The following IGFBPL1 variants were observed in gnomAD, a reference collection of about 807,000 sequenced individuals.
IGFBPL1 encodes insulin like growth factor binding protein like 1, also known as insulin-like growth factor-binding protein-like 1.
In IGFBPL1, 20 loss-of-function variants were observed where a neutral mutation model predicts 23.9. The ratio of observed to expected loss-of-function variants is 0.84; its 90% CI spans 0.59 to 1.22. The LOEUF (loss-of-function observed/expected upper bound fraction) is 1.22. Ranked by LOEUF, IGFBPL1 falls within the 50% of genes most tolerant of loss-of-function variation. The pLI is 0.00. For missense variants in IGFBPL1, 436 were observed against 379.3 expected (o/e 1.15, Z -1.24); for synonymous variants, 184 against 171.8 (o/e 1.07, Z -0.56).
At chr9:38,418,476 T>C (rs1271986305) in intron 1 of IGFBPL1, among the ~76,000 whole-genome samples, 1 of 152,178 alleles carries the variant, frequency 6.6e-6, no homozygotes, top group Admixed American at 6.5e-5. Flanking sequence ...GCATCTCCTC[T>C]AAAGCTCCCT....
At position 38,408,666 on chromosome 9, in the gene IGFBPL1, G is replaced by C. The variant is rs1821467016; in HGVS notation, c.*561C>G. On this transcript the variant is annotated 3_prime_UTR_variant, in exon 5 of 5. Coordinates refer to ENST00000377694, the MANE Select transcript of IGFBPL1 (RefSeq NM_001007563.3). ...AAAGAACACTAAGACCACACTTCCTGTTATTTTCCCAAAAGGCCATCTTAA... is the reference window on the plus strand; with the variant it reads ...AAAGAACACTAAGACCACACTTCCTCTTATTTTCCCAAAAGGCCATCTTAA... 6.6e-6 allele frequency among the ~76,000 whole-genome samples: 1 copy of C among 152,146 alleles called. No individual in the cohort carries two copies. Among genetic ancestry groups the C allele is most frequent in the Admixed American group, 6.5e-5 (1 of 15,282 alleles).
intron 4 of IGFBPL1, among the ~76,000 whole-genome samples, chr9:38,409,530 T>G (rs1821481220): frequency 6.6e-6 from 1 of 152,236 alleles, no homozygotes; most frequent in African/African-American, 2.4e-5. Flanking sequence ...CAATACTGTG[T>G]GTCACAGAAG....
intron 1 of IGFBPL1, among the ~76,000 whole-genome samples, chr9:38,415,656 T>C (rs1023091269): frequency 3.9e-5 from 6 of 152,182 alleles, no homozygotes; most frequent in Non-Finnish European, 5.9e-5. Flanking sequence ...CAGCCTCCAT[T>C]TGCATGCCTT....
chr9:38,419,310 G>A (rs1821641649), intron 1 of IGFBPL1, among the ~76,000 whole-genome samples: 1 of 152,162 alleles, frequency 6.6e-6, no homozygotes, highest in South Asian at 2.1e-4. Context: ...GTCACGTTAT[G>A]ATGTGGAACA....
intron 4 of IGFBPL1, 85 bp downstream of exon 4, chr9:38,411,306 C>A: frequency 8.2e-7 from 1 of 1,219,010 alleles, no homozygotes. Flanking sequence ...ACGTATTTTT[C>A]TTCTTTTTTT....
chr9:38,414,281 G>T (rs561605063), intron 1 of IGFBPL1, 78 bp from the exon 2 acceptor site: 41 of 793,090 alleles, frequency 5.2e-5, no homozygotes, highest in Non-Finnish European at 7.9e-5. Context: ...CCCCTGCCGC[G>T]GAGAGCCCGC....
chr9:38,421,788 C>T (rs1460269229), intron 1 of IGFBPL1, among the ~76,000 whole-genome samples: 1 of 152,206 alleles, frequency 6.6e-6, no homozygotes, highest in Non-Finnish European at 1.5e-5. Context: ...GACACAAGGG[C>T]AGAGGCCACA....
chr9:38,417,437 A>G (rs1436093649), intron 1 of IGFBPL1, among the ~76,000 whole-genome samples: 8 of 152,246 alleles, frequency 5.3e-5, no homozygotes, highest in Admixed American at 4.6e-4. Context: ...CAGGGACTCA[A>G]ACCCAGGCAC....
At chr9:38,414,976 T>G (rs1431229158) in intron 1 of IGFBPL1, among the ~76,000 whole-genome samples, 1 of 152,146 alleles carries the variant, frequency 6.6e-6, no homozygotes, top group East Asian at 1.9e-4. Context: ...GCTGGAATAA[T>G]CAAGGCCAGG....
At chr9:38,409,808 A>G (rs1359071185) in intron 4 of IGFBPL1, among the ~76,000 whole-genome samples, 1 of 152,078 alleles carries the variant, frequency 6.6e-6, no homozygotes, top group African/African-American at 2.4e-5. Context: ...CCCCATTTCT[A>G]GGGCCTCTAA....
intron 1 of IGFBPL1, among the ~76,000 whole-genome samples, chr9:38,421,785 G>T (rs939813458): frequency 1.3e-5 from 2 of 152,208 alleles, no homozygotes; most frequent in Non-Finnish European, 2.9e-5. Flanking sequence ...CTGGACACAA[G>T]GGCAGAGGCC....
At chr9:38,412,416 A>C (rs189441155) in intron 3 of IGFBPL1, among the ~76,000 whole-genome samples, 114 of 152,310 alleles carry the variant, frequency 7.5e-4, no homozygotes, top group African/African-American at 2.6e-3. Context: ...TGACGACCCA[A>C]CATGGACCCC....
Position 38,413,322 on chromosome 9 carries a change from A to G in IGFBPL1, c.602T>C (p.Leu201Pro), listed in dbSNP as rs181145018. The change falls in exon 3 of 5, where the codon CTG (leucine) becomes CCG (proline). Residue 201 changes from leucine (L) to proline (P), a missense_variant. Physicochemically the swap from Leu to Pro is moderately conservative, Grantham distance 98 (BLOSUM62 -3). Coordinates refer to ENST00000377694, the MANE Select transcript of IGFBPL1 (RefSeq NM_001007563.3). ...VTKSPEGTQA[L>P]EELPGDHVNI... ...GACATGGTCCCCAGGCAGCTCCTCCAGTGCTTGGGTGCCCTCAGGGGACTT... is the reference window on the plus strand; with the variant it reads ...GACATGGTCCCCAGGCAGCTCCTCCGGTGCTTGGGTGCCCTCAGGGGACTT... 5.0e-6 allele frequency: 8 copies of G among 1,613,878 alleles called. 1 individual carries two copies. In the African/African-American group the frequency reaches 8.0e-5, roughly 16 times the overall value.
In IGFBPL1 at chr9:38,414,064, C is replaced by CACACACACAT. The variant is rs1554661419; in HGVS notation, c.570+29_570+30insATGTGTGTGT. 1.2e-5 allele frequency: 15 copies of CACACACACAT among 1,249,180 alleles called. No homozygotes were observed. The East Asian group carries it at 2.6e-4, about 21-fold the overall frequency. The allele number at this position is 1,249,180 out of a possible 1,614,324, so 77.4% of individuals were successfully genotyped here. A position where few individuals can be genotyped will look rare whatever the true frequency, so the allele number is the denominator to read the frequency against. ...ACACACACACACACACACACACACACGAGATGCATGAGTTCTTGGACAGAA... is the reference window on the plus strand; with the variant it reads ...ACACACACACACACACACACACACACACACACACATGAGATGCATGAGTTCTTGGACAGAA... On this transcript the variant is annotated intron_variant, in intron 2 of 4. Transcript: ENST00000377694.
chr9:38,420,264 C>T (rs1050729302), intron 1 of IGFBPL1, among the ~76,000 whole-genome samples: 1 of 152,194 alleles, frequency 6.6e-6, no homozygotes, highest in Non-Finnish European at 1.5e-5. Context: ...AGGCCTCGGC[C>T]CTATGGGCCC....
chr9:38,415,401 G>A (rs1405216093), intron 1 of IGFBPL1, among the ~76,000 whole-genome samples: 1 of 152,212 alleles, frequency 6.6e-6, no homozygotes, highest in Admixed American at 6.5e-5. Context: ...GCAAAGGGAG[G>A]AGACAGAAGG....
At chr9:38,413,979 AAC>A (rs1821554123) in intron 2 of IGFBPL1, 113 bp downstream of exon 2, 1 of 703,166 alleles carries the variant, frequency 1.4e-6, no homozygotes, top group Non-Finnish European at 2.5e-6. Flanking sequence ...TATATATATA[AAC>A]ACACTTAAAA....
rs1042363866 is a variant in IGFBPL1 at position 38,414,165 on chromosome 9, CGTT to C, written c.496_498del (p.Asn166del). On this transcript the variant is annotated inframe_deletion, in exon 2 of 5. Coordinates refer to ENST00000377694, the MANE Select transcript of IGFBPL1 (RefSeq NM_001007563.3). ...GACAGGCCCACCTGCGCCCCGGTGA[CGTT>C]GTGAACACTTCGGGGAGGAACGACG... 3 of 1,611,002 alleles carry C rather than the reference CGTT, an allele frequency of 1.9e-6. No homozygotes were observed. The highest frequency in any genetic ancestry group is 2.5e-6 in the Non-Finnish European group (3 of 1,178,744).
In IGFBPL1 at chr9:38,411,566, C is replaced by G; in HGVS notation, c.688-17G>C. 6.2e-7 allele frequency: 1 copy of G among 1,611,344 alleles called. No individual in the cohort carries two copies. Among genetic ancestry groups the G allele is most frequent in the Non-Finnish European group, 8.5e-7 (1 of 1,177,718 alleles). ...GGGGTTGATCTAGAAATACAACAGGCAAGTTTATACAGTTATATAAGGAAC... is the reference window on the plus strand; with the variant it reads ...GGGGTTGATCTAGAAATACAACAGGGAAGTTTATACAGTTATATAAGGAAC... On this transcript the variant is annotated splice_polypyrimidine_tract_variant and intron_variant, in intron 3 of 4. Coordinates refer to ENST00000377694, the MANE Select transcript of IGFBPL1 (RefSeq NM_001007563.3).
Sources: gnomAD v4.1 joint callset for allele counts (sites outside exome capture counted in the v4.1 genomes callset) on GRCh38, gnomAD v4.1.1 for gene constraint, MANE v1.5 for transcripts, NCBI Gene and HGNC (gene_info 2026-07-23, HGNC 2026-07-21) for gene names.